Variants in IGSF11 observed in about 807,000 individuals in gnomAD.
The protein encoded by IGSF11 is CXADR like 1.
In IGSF11, 22 loss-of-function variants were observed where a neutral mutation model predicts 41.0. The ratio of observed to expected loss-of-function variants is 0.54; its 90% CI spans 0.38 to 0.77. IGSF11 has a LOEUF of 0.77. Among genes scored for constraint, IGSF11 ranks in the 30% least tolerant of loss-of-function variants. IGSF11 has a pLI of 0.00. For synonymous variants in IGSF11, 219 were observed against 201.3 expected, an observed-to-expected ratio of 1.09 and a Z score of -0.74; for missense variants, 444 against 530.8, an observed-to-expected ratio of 0.84 and a Z score of 1.61.
At chr3:119,145,184 C>A (rs558450633) in intron 1 of IGSF11, among the ~76,000 whole-genome samples, 2 of 152,152 alleles carry the variant, frequency 1.3e-5, no homozygotes, top group South Asian at 4.1e-4. Flanking sequence ...GATTTTAAGT[C>A]TCATTTCTAA....
intron 1 of IGSF11, among the ~76,000 whole-genome samples, chr3:119,054,743 C>A (rs936806486): frequency 2.0e-5 from 3 of 152,170 alleles, no homozygotes; most frequent in Admixed American, 1.3e-4. Context: ...ATGTTTATAG[C>A]AGCACAATTT....
chr3:119,056,600 G>C (rs1253253497), intron 1 of IGSF11, among the ~76,000 whole-genome samples: 1 of 152,122 alleles, frequency 6.6e-6, no homozygotes, highest in African/African-American at 2.4e-5. Context: ...GAAAAAGAGG[G>C]AATCCTCCCT....
At chr3:119,035,377 C>T (rs1290570959), upstream of IGSF11, among the ~76,000 whole-genome samples, 2 of 152,140 alleles carry the variant, frequency 1.3e-5, no homozygotes, top group Non-Finnish European at 2.9e-5. Context: ...GCGCTGTTTC[C>T]TGGATGCCTT....
intron 1 of IGSF11, among the ~76,000 whole-genome samples, chr3:119,085,758 G>A (rs1210854430): frequency 2.0e-5 from 3 of 152,236 alleles, no homozygotes; most frequent in African/African-American, 7.2e-5. Flanking sequence ...AATCAGAAGT[G>A]TTAACAGCAG....
chr3:118,902,533 C>A lies in IGSF11; in HGVS notation c.1283G>T (p.Gly428Val). The A allele has an allele frequency of 2.5e-6, 4 of 1,593,814 alleles. No homozygotes were observed. Among genetic ancestry groups the A allele is most frequent in the Non-Finnish European group, 3.4e-6 (4 of 1,166,820 alleles). The change falls in exon 7 of 7, where the codon GGG becomes GTG. Residue 428 changes from glycine (G) to valine (V), a missense_variant. Gly to Val is a moderately radical substitution (Grantham distance 109). Coordinates refer to ENST00000393775, the MANE Select transcript of IGSF11 (RefSeq NM_001015887.3). ...PVMVPAQSRA[G>V]SLV is the part of the protein sequence containing the mutation. Reference sequence around the variant, plus strand: ...TTTCCTCATGTCCTATACCAAGGACCCGGCCCGACTCTGGGCTGGTACCAT... The same window carrying A: ...TTTCCTCATGTCCTATACCAAGGACACGGCCCGACTCTGGGCTGGTACCAT...
intron 1 of IGSF11, among the ~76,000 whole-genome samples, chr3:119,145,654 C>T (rs555102020): frequency 6.6e-6 from 1 of 152,176 alleles, no homozygotes; most frequent in African/African-American, 2.4e-5. Context: ...CAAGAAAACA[C>T]CTTGGGGCAG....
intron 4 of IGSF11, among the ~76,000 whole-genome samples, chr3:118,919,823 C>T (rs1198621087): frequency 1.2e-5 from 1 of 85,476 alleles, no homozygotes; most frequent in African/African-American, 4.6e-5. Context: ...ATGTTTATTG[C>T]GGCATTATTC....
intron 1 of IGSF11, among the ~76,000 whole-genome samples, chr3:119,058,053 A>G (rs1941916817): frequency 6.6e-6 from 1 of 152,384 alleles, no homozygotes; most frequent in Non-Finnish European, 1.5e-5. Context: ...CTTTCAGGAC[A>G]TATGCTTGGG....
At chr3:118,970,767 C>A (rs1185403663) in intron 1 of IGSF11, among the ~76,000 whole-genome samples, 56 of 142,794 alleles carry the variant, frequency 3.9e-4, no homozygotes, top group East Asian at 6.2e-4. Flanking sequence ...AAAAAAAAAA[C>A]CACAACTAAT....
At chr3:119,114,087 C>G (rs569265185) in intron 1 of IGSF11, among the ~76,000 whole-genome samples, 3 of 152,332 alleles carry the variant, frequency 2.0e-5, no homozygotes, top group African/African-American at 7.2e-5. Context: ...CTGGGCCCAG[C>G]CCATGGCCCA....
intron 1 of IGSF11, among the ~76,000 whole-genome samples, chr3:119,102,875 T>C (rs952705635): frequency 3.3e-5 from 5 of 152,172 alleles, no homozygotes; most frequent in African/African-American, 4.8e-5. Flanking sequence ...GTCAAGTCCC[T>C]CTGTGGTCTT....
At chr3:119,064,708 G>A (rs564107185) in intron 1 of IGSF11, among the ~76,000 whole-genome samples, 28 of 151,602 alleles carry the variant, frequency 1.8e-4, no homozygotes, top group Admixed American at 9.9e-4. Context: ...TTCATTTCTC[G>A]CAATAATATT....
At chr3:118,931,115 C>T (rs958983579) in intron 1 of IGSF11, among the ~76,000 whole-genome samples, 3 of 152,078 alleles carry the variant, frequency 2.0e-5, no homozygotes, top group Non-Finnish European at 2.9e-5. Flanking sequence ...AAGACAACTA[C>T]ATGGGGCAAA....
chr3:119,048,800 T>G (rs1258838354), intron 1 of IGSF11, among the ~76,000 whole-genome samples: 1 of 152,008 alleles, frequency 6.6e-6, no homozygotes, highest in African/African-American at 2.4e-5. Context: ...TTATCCACCA[T>G]GATCAAGTGG....
chr3:119,001,945 T>G (rs879894545), intron 1 of IGSF11, among the ~76,000 whole-genome samples: 372 of 137,124 alleles, frequency 2.7e-3, no homozygotes, highest in Non-Finnish European at 4.5e-3. Context: ...TGTGCATGTG[T>G]CTTTATAGCA....
At chr3:119,030,141 C>G (rs1296872112) in intron 1 of IGSF11, among the ~76,000 whole-genome samples, 1 of 152,204 alleles carries the variant, frequency 6.6e-6, no homozygotes, top group African/African-American at 2.4e-5. Flanking sequence ...GCTTATATCT[C>G]TCTCAAGATC....
At chr3:118,947,328 A>C (rs1477946549) in intron 1 of IGSF11, 1 of 152,250 alleles carries the variant, frequency 6.6e-6, no homozygotes, top group Non-Finnish European at 1.5e-5. Context: ...CTGAGGATTT[A>C]GGGATGAAAT....
upstream of IGSF11, among the ~76,000 whole-genome samples, chr3:119,036,779 A>T (rs148832458): frequency 6.6e-6 from 1 of 152,354 alleles, no homozygotes; most frequent in Non-Finnish European, 1.5e-5. Flanking sequence ...ATAAGCAGAT[A>T]GAGTTCTGCC....
rs1244629713 is a variant in IGSF11 at position 119,094,666 on chromosome 3, A to T, written c.49+10478T>A. 3.6e-5 allele frequency among the ~76,000 whole-genome samples: 5 copies of T among 139,330 alleles called. No homozygotes were observed. In the East Asian group the frequency reaches 1.1e-3, roughly 30 times the overall value. The allele number at this position is 139,330 out of a possible 152,430, so 91.4% of individuals were successfully genotyped here. On this transcript the variant is annotated intron_variant, in intron 1 of 6. Transcript: ENST00000354673. ...CAAAGCCAGAAAATCCCAGAGAGCAACTCTATTTTTTTTTTTTTTTTTTAG... is the reference window on the plus strand; with the variant it reads ...CAAAGCCAGAAAATCCCAGAGAGCATCTCTATTTTTTTTTTTTTTTTTTAG...
Sources: gnomAD v4.1 joint callset for allele counts (sites outside exome capture counted in the v4.1 genomes callset) on GRCh38, gnomAD v4.1.1 for gene constraint, MANE v1.5 for transcripts, NCBI Gene and HGNC (gene_info 2026-07-23, HGNC 2026-07-21) for gene names.